GALNT13: variants seen among roughly 807,000 people sequenced by gnomAD.
The protein encoded by GALNT13 is UDP-GalNAc:polypeptide N-acetylgalactosaminyltransferase 13.
Under a neutral mutation model 64.2 loss-of-function variants are expected in GALNT13, and 28 were observed. The ratio of observed to expected loss-of-function variants is 0.44; its 90% CI spans 0.32 to 0.60. The LOEUF (loss-of-function observed/expected upper bound fraction) is 0.60, where lower values mean the gene tolerates loss of function less well. GALNT13 is among the 20% of genes least tolerant of loss of function. GALNT13 has a pLI of 0.05. For synonymous variants in GALNT13, 214 were observed against 224.6 expected, an observed-to-expected ratio of 0.95 and a Z score of 0.42; for missense variants, 577 against 669.8, an observed-to-expected ratio of 0.86 and a Z score of 1.53.
chr2:153,098,400 C>T, the GALNT13 span, among the ~76,000 whole-genome samples: 2 of 152,162 alleles, frequency 1.3e-5, no homozygotes, highest in African/African-American at 4.8e-5. Flanking sequence ...ATCACAACCT[C>T]TCTTTTCCTA....
At chr2:154,391,613 G>A (rs2105352772) in intron 9 of GALNT13, among the ~76,000 whole-genome samples, 1 of 152,296 alleles carries the variant, frequency 6.6e-6, no homozygotes, top group African/African-American at 2.4e-5. Flanking sequence ...CAGAATGGAT[G>A]TCAGGCGTGC....
chr2:153,433,171 T>TTTATA, the GALNT13 span, among the ~76,000 whole-genome samples: 4 of 152,284 alleles, frequency 2.6e-5, no homozygotes, highest in Admixed American at 2.6e-4. Flanking sequence ...GAGAGGAAAT[T>TTTATA]GTAAAAATAA....
At chr2:153,350,613 C>G in the GALNT13 span, among the ~76,000 whole-genome samples, 2 of 152,098 alleles carry the variant, frequency 1.3e-5, no homozygotes, top group South Asian at 2.1e-4. Context: ...GAACTCCTGA[C>G]TTCAGGTGAT....
the GALNT13 span, among the ~76,000 whole-genome samples, chr2:153,427,594 G>A: frequency 1.3e-5 from 2 of 152,134 alleles, no homozygotes; most frequent in East Asian, 3.9e-4. Flanking sequence ...GAGAAATATA[G>A]AAAGGAAAAG....
At chr2:154,390,159 T>C (rs1418683056) in intron 9 of GALNT13, among the ~76,000 whole-genome samples, 1 of 152,208 alleles carries the variant, frequency 6.6e-6, no homozygotes, top group Non-Finnish European at 1.5e-5. Context: ...CTATTTAAAA[T>C]TTAAAACATG....
the GALNT13 span, among the ~76,000 whole-genome samples, chr2:153,642,259 C>T: frequency 6.6e-6 from 1 of 151,712 alleles, no homozygotes; most frequent in Non-Finnish European, 1.5e-5. Context: ...AACGCTTTTC[C>T]AAGGTTCTTA....
intron 3 of GALNT13, among the ~76,000 whole-genome samples, chr2:154,010,746 C>A (rs898646202): frequency 2.0e-5 from 3 of 152,012 alleles, no homozygotes; most frequent in African/African-American, 7.2e-5. Context: ...AGGCTTTTTA[C>A]TACTCATTTA....
the GALNT13 span, among the ~76,000 whole-genome samples, chr2:153,765,154 G>T: frequency 6.6e-6 from 1 of 152,346 alleles, no homozygotes; most frequent in African/African-American, 2.4e-5. Context: ...GCCTAGTGGA[G>T]CTGTGAGAAG....
the GALNT13 span, among the ~76,000 whole-genome samples, chr2:153,588,109 C>T: frequency 6.6e-6 from 1 of 152,204 alleles, no homozygotes. Flanking sequence ...GACAGCTCTG[C>T]CCCTGTGGCT....
the GALNT13 span, among the ~76,000 whole-genome samples, chr2:153,381,236 T>G: frequency 1.3e-5 from 2 of 152,092 alleles, no homozygotes; most frequent in Non-Finnish European, 2.9e-5. Flanking sequence ...CATTAGCCAC[T>G]ACTCCCAGCC....
chr2:153,925,188 T>C (rs929343304), intron 2 of GALNT13, among the ~76,000 whole-genome samples: 1 of 152,262 alleles, frequency 6.6e-6, no homozygotes, highest in Non-Finnish European at 1.5e-5. Context: ...TAGTTTTGGG[T>C]ATGTATTCAC....
At chr2:154,024,737 G>C (rs182354669) in intron 3 of GALNT13, among the ~76,000 whole-genome samples, 1 of 152,154 alleles carries the variant, frequency 6.6e-6, no homozygotes, top group African/African-American at 2.4e-5. Context: ...TGCTGGTGAG[G>C]AGCTGCATTC....
chr2:153,809,026 C>T, the GALNT13 span, among the ~76,000 whole-genome samples: 1 of 152,194 alleles, frequency 6.6e-6, no homozygotes. Context: ...CTCAGTAATG[C>T]TAAGCATTCC....
chr2:154,347,247 C>T (rs1380784916), intron 9 of GALNT13, among the ~76,000 whole-genome samples: 2 of 152,028 alleles, frequency 1.3e-5, no homozygotes, highest in Non-Finnish European at 2.9e-5. Context: ...TGCATCCTTG[C>T]TATTGCCCGT....
At chr2:154,304,443 GA>G (rs1693622253) in intron 9 of GALNT13, among the ~76,000 whole-genome samples, 1 of 152,106 alleles carries the variant, frequency 6.6e-6, no homozygotes, top group Admixed American at 6.6e-5. Context: ...AGTAATGGAG[GA>G]AAAAAGTGTG....
intron 3 of GALNT13, 69 bp from the exon 4 acceptor site, chr2:154,140,268 A>T: frequency 1.7e-6 from 2 of 1,168,910 alleles, no homozygotes; most frequent in Non-Finnish European, 2.5e-6. Context: ...AATCAGACAC[A>T]CAAGTTTATT....
chr2:154,154,773 A>G (rs547030645), intron 4 of GALNT13, among the ~76,000 whole-genome samples: 344 of 152,294 alleles, frequency 2.3e-3, no homozygotes, highest in African/African-American at 8.0e-3. Context: ...GTGCATTTAT[A>G]GGAAAGACAG....
the GALNT13 span, among the ~76,000 whole-genome samples, chr2:153,148,435 C>G: frequency 6.7e-6 from 1 of 150,138 alleles, no homozygotes; most frequent in Admixed American, 6.7e-5. Context: ...ATCGTAGAGG[C>G]ATAATGAGAA....
the GALNT13 span, among the ~76,000 whole-genome samples, chr2:153,666,340 C>A: frequency 6.6e-6 from 1 of 152,110 alleles, no homozygotes; most frequent in African/African-American, 2.4e-5. Flanking sequence ...TTCCTGCAAC[C>A]AACAGCATGC....
Sources: gnomAD v4.1 joint callset for allele counts (sites outside exome capture counted in the v4.1 genomes callset) on GRCh38, gnomAD v4.1.1 for gene constraint, MANE v1.5 for transcripts, NCBI Gene and HGNC (gene_info 2026-07-23, HGNC 2026-07-21) for gene names.